KIF1B: variants seen among roughly 807,000 people sequenced by gnomAD.
The protein encoded by KIF1B is kinesin family member 1B.
A neutral mutation model predicts 241.9 loss-of-function variants in KIF1B; 76 were observed. That is an observed-to-expected ratio of 0.31 (90% CI 0.26 to 0.38). The LOEUF (loss-of-function observed/expected upper bound fraction) is 0.38. Among genes scored for constraint, KIF1B ranks in the 10% least tolerant of loss-of-function variants. The probability of loss-of-function intolerance (pLI) is 1.00; values close to 1 mark genes in which losing one functional copy is unlikely to be tolerated. For missense variants in KIF1B, 1,622 were observed against 2,271.4 expected (o/e 0.71, Z 5.81); for synonymous variants, 750 against 796.7 (o/e 0.94, Z 0.99).
chr1:10,357,577 AAATT>A (rs1371106833), intron 38 of KIF1B, among the ~76,000 whole-genome samples: 1 of 152,268 alleles, frequency 6.6e-6, no homozygotes, highest in South Asian at 2.1e-4. Context: ...AGAAAAAAAA[AAATT>A]AATTAGCCGG....
intron 24 of KIF1B, among the ~76,000 whole-genome samples, chr1:10,323,536 C>A (rs1651604098): frequency 6.6e-6 from 1 of 152,072 alleles, no homozygotes; most frequent in Non-Finnish European, 1.5e-5. Flanking sequence ...ATGGTAGGAT[C>A]ACCTGAGCCT....
chr1:10,326,225 GA>G lies in KIF1B; in HGVS notation c.2791del (p.Met931TrpfsTer42). 1 of 1,614,188 alleles carries G rather than the reference GA, an allele frequency of 6.2e-7. No homozygotes were observed. The highest frequency in any genetic ancestry group is 8.5e-7 in the Non-Finnish European group (1 of 1,180,038). On this transcript the variant is annotated frameshift_variant, in exon 27 of 49. Coordinates refer to ENST00000676179, the MANE Select transcript of KIF1B (RefSeq NM_001365951.3). LOFTEE classifies it high-confidence loss of function. This position sits in a 1 kb window ranked among gnomAD's most constrained non-coding sequence, Gnocchi z 5.2. ...TELADEQQDEMEDFDDEAFVD... is the reference protein window; with the variant it reads ...TELADEQQDEXEDFDDEAFVD... ...AGCTGGCTGACGAGCAGCAAGATGA[GA>G]TGGAGGATTTTGATGATGAGGCATT...
intron 22 of KIF1B, chr1:10,305,354 A>G (rs3180108): frequency 3.8e-6 from 4 of 1,050,690 alleles, no homozygotes; most frequent in Non-Finnish European, 3.4e-6. Flanking sequence ...ATAAATTGGC[A>G]CTGTGTCTGG....
intron 5 of KIF1B, among the ~76,000 whole-genome samples, chr1:10,264,426 AGCACATGAACTTTTACCT>A (rs1648332280): frequency 6.6e-6 from 1 of 152,228 alleles, no homozygotes; most frequent in South Asian, 2.1e-4. Context: ...TAAGGAATGG[AGCACATGAACTTTTACCT>A]AGATTATTTG....
rs1650029719 is a variant in KIF1B at position 10,292,108 on chromosome 1, T to A, written c.1576T>A (p.Phe526Ile). The change falls in exon 17 of 49, where the codon TTC becomes ATC. Residue 526 changes from phenylalanine to isoleucine, a missense_variant. Coordinates refer to ENST00000676179, the MANE Select transcript of KIF1B (RefSeq NM_001365951.3). ...IREDGGTLGV[F>I]SPKKTPHLVN... ...GGAAGATGGAGGAACCCTAGGGGTT[T>A]TCTCACCTAAAAAGGTAGGAAACAA... The A allele has an allele frequency of 6.2e-7, 1 of 1,613,724 alleles. No individual in the cohort carries two copies. The highest frequency in any genetic ancestry group is 8.5e-7 in the Non-Finnish European group (1 of 1,179,790).
At chr1:10,234,212 CT>C (rs112386152) in intron 2 of KIF1B, among the ~76,000 whole-genome samples, 176 of 142,634 alleles carry the variant, frequency 1.2e-3, no homozygotes, top group Non-Finnish European at 1.1e-3. Flanking sequence ...CCTTAAGGAA[CT>C]TTTTTTTTTT....
chr1:10,373,052 T>C (rs1638790168), intron 45 of KIF1B, among the ~76,000 whole-genome samples: 1 of 151,774 alleles, frequency 6.6e-6, no homozygotes, highest in South Asian at 2.1e-4. Context: ...GCTGACCTTA[T>C]GATCCACCCG....
chr1:10,360,801 G>C (rs1638400714), intron 38 of KIF1B, 128 bp from the exon 39 acceptor site: 4 of 733,842 alleles, frequency 5.5e-6, no homozygotes, highest in Non-Finnish European at 1.0e-5. Flanking sequence ...TCTGTTATTA[G>C]AGTTTGATAA....
chr1:10,282,116 C>G (rs898570106), intron 14 of KIF1B, among the ~76,000 whole-genome samples: 1 of 152,206 alleles, frequency 6.6e-6, no homozygotes, highest in Admixed American at 6.5e-5. Flanking sequence ...GATTCTGAAC[C>G]TGTAGGATAC....
chr1:10,271,372 A>G (rs1043940711), intron 7 of KIF1B, 130 bp from the exon 8 acceptor site: 1 of 760,036 alleles, frequency 1.3e-6, no homozygotes, highest in African/African-American at 1.7e-5. Flanking sequence ...TTTTTGTGCC[A>G]TATTTAAAAG....
At chr1:10,364,200 C>CTTTTTTTTCTTTT (rs1449980463) in intron 41 of KIF1B, among the ~76,000 whole-genome samples, 8 of 113,864 alleles carry the variant, frequency 7.0e-5, no homozygotes, top group African/African-American at 2.7e-4. Flanking sequence ...GGGACAGGAT[C>CTTTTTTTTCTTTT]TTTTTTTTTT....
Position 10,376,869 on chromosome 1 carries a change from A to C in KIF1B, c.*282A>C. ...CACACACACACACACACACACACATACACAGACAAAAACACAAAAACTCTG... is the reference window on the plus strand; with the variant it reads ...CACACACACACACACACACACACATCCACAGACAAAAACACAAAAACTCTG... On this transcript the variant is annotated 3_prime_UTR_variant, in exon 49 of 49. Transcript: ENST00000676179. The C allele has an allele frequency of 2.3e-6, 1 of 435,758 alleles. No homozygotes were observed. Among genetic ancestry groups the C allele is most frequent in the Non-Finnish European group, 4.2e-6 (1 of 235,592 alleles). The allele number at this position is 435,758 out of a possible 1,614,324, so 27.0% of individuals were successfully genotyped here.
At chr1:10,217,784 CCT>C (rs1288954099) in intron 1 of KIF1B, among the ~76,000 whole-genome samples, 1 of 145,408 alleles carries the variant, frequency 6.9e-6, no homozygotes, top group Admixed American at 7.2e-5. Context: ...TCTTGAACCC[CCT>C]GACTTTGCTG....
At position 10,311,663 on chromosome 1, in the gene KIF1B, C is replaced by T. The variant is rs149364381; in HGVS notation, c.2116-8380C>T. ...TTCAGTGCATTTTCTCAGTCCTCATCTTACTGAATGTCTCTGGCATTTGAC... is the reference window on the plus strand; with the variant it reads ...TTCAGTGCATTTTCTCAGTCCTCATTTTACTGAATGTCTCTGGCATTTGAC... On this transcript the variant is annotated intron_variant, in intron 22 of 48. Transcript: ENST00000676179. 4.6e-5 allele frequency among the ~76,000 whole-genome samples: 7 copies of T among 151,554 alleles called. 1 individual carries two copies. The highest frequency in any genetic ancestry group is 1.7e-4 in the African/African-American group (7 of 40,846).
chr1:10,281,016 C>G (rs1649380383), intron 14 of KIF1B, among the ~76,000 whole-genome samples: 1 of 152,102 alleles, frequency 6.6e-6, no homozygotes, highest in East Asian at 1.9e-4. Flanking sequence ...ATCCCTATCC[C>G]CCTTTTAAAA....
chr1:10,292,629 C>G (rs1650053707), intron 17 of KIF1B, among the ~76,000 whole-genome samples: 1 of 152,218 alleles, frequency 6.6e-6, no homozygotes. Context: ...CTTCTAGACT[C>G]CTCTGCTTCC....
chr1:10,226,338 C>T (rs780545377), intron 1 of KIF1B, among the ~76,000 whole-genome samples: 6 of 151,898 alleles, frequency 4.0e-5, no homozygotes, highest in East Asian at 3.9e-4. Flanking sequence ...GTAGAGGAGT[C>T]GAGTAGTCTA....
intron 22 of KIF1B, among the ~76,000 whole-genome samples, chr1:10,317,745 C>T (rs1369105173): frequency 1.3e-5 from 2 of 150,838 alleles, no homozygotes; most frequent in East Asian, 1.9e-4. Flanking sequence ...GCAGGAGAAT[C>T]GCTTGAACCT....
chr1:10,323,545 C>G (rs1197443560), intron 24 of KIF1B, among the ~76,000 whole-genome samples: 1 of 152,088 alleles, frequency 6.6e-6, no homozygotes, highest in Admixed American at 6.5e-5. Flanking sequence ...TCACCTGAGC[C>G]TAGGAGGTGG....
Sources: gnomAD v4.1 joint callset for allele counts (sites outside exome capture counted in the v4.1 genomes callset) on GRCh38, gnomAD v4.1.1 for gene constraint, Gnocchi (gnomAD v3.1) non-coding constraint, MANE v1.5 for transcripts, NCBI Gene and HGNC (gene_info 2026-07-23, HGNC 2026-07-21) for gene names.